Variants in KLB observed in about 807,000 individuals in gnomAD.
The protein encoded by KLB is beta-klotho.
In KLB, 44 loss-of-function variants were observed where a neutral mutation model predicts 88.4. That is an observed-to-expected ratio of 0.50 (90% CI 0.39 to 0.64). KLB has a LOEUF of 0.64. Among genes scored for constraint, KLB ranks in the 30% least tolerant of loss-of-function variants. KLB has a pLI of 0.00. For missense variants in KLB, 1,137 were observed against 1,304.8 expected (o/e 0.87, Z 1.98); for synonymous variants, 548 against 513.4 (o/e 1.07, Z -0.91).
intron 3 of KLB, among the ~76,000 whole-genome samples, chr4:39,441,067 A>C (rs1743586527): frequency 6.6e-6 from 1 of 151,912 alleles, no homozygotes; most frequent in Admixed American, 6.6e-5. Flanking sequence ...TGTTGGCCAG[A>C]CTGGTCTCGA....
intron 3 of KLB, chr4:39,441,608 T>C (rs1475058073): frequency 6.6e-6 from 1 of 152,114 alleles, no homozygotes; most frequent in East Asian, 1.9e-4. Flanking sequence ...TACTCATCTC[T>C]GGAGCCCAGC....
At chr4:39,415,858 T>C (rs762304095) in intron 1 of KLB, among the ~76,000 whole-genome samples, 9 of 152,168 alleles carry the variant, frequency 5.9e-5, no homozygotes, top group Non-Finnish European at 1.5e-5. Context: ...TGGGAAACCC[T>C]ACTCTAGGTC....
intron 1 of KLB, among the ~76,000 whole-genome samples, chr4:39,429,408 G>C (rs1455171271): frequency 6.6e-6 from 1 of 152,130 alleles, no homozygotes; most frequent in African/African-American, 2.4e-5. Flanking sequence ...ATCATCCACA[G>C]AATTTATCTG....
intron 3 of KLB, among the ~76,000 whole-genome samples, chr4:39,445,716 T>C (rs1743729242): frequency 6.6e-6 from 1 of 151,200 alleles, no homozygotes; most frequent in Non-Finnish European, 1.5e-5. Flanking sequence ...GAGACGGTGT[T>C]TCTCCATGTT....
At position 39,407,126 on chromosome 4, in the gene KLB, T is replaced by C; in HGVS notation, c.177T>C (p.Ala59=). ...CTGGATTCTCTGGAGATGGAAGAGC[T>C]ATATGGTCTAAAAATCCTAATTTTA... ...AVTGFSGDGR[A]IWSKNPNFTP... Residue 59 remains alanine, a synonymous_variant, in exon 1 of 5, where the codon GCT becomes GCC. Transcript: ENST00000257408. 6.2e-7 allele frequency: 1 copy of C among 1,614,166 alleles called. No homozygotes were observed.
chr4:39,445,873 C>T (rs954620796), intron 3 of KLB, among the ~76,000 whole-genome samples: 4 of 151,984 alleles, frequency 2.6e-5, no homozygotes, highest in African/African-American at 9.7e-5. Flanking sequence ...AGCAAGGGGT[C>T]ATTGCCTACC....
At chr4:39,426,425 AAAAAAAAAAAAAAG>A (rs1348130274) in intron 1 of KLB, among the ~76,000 whole-genome samples, 1 of 146,134 alleles carries the variant, frequency 6.8e-6, no homozygotes, top group Non-Finnish European at 1.5e-5. Flanking sequence ...AAAAAAAAAA[AAAAAAAAAAAAAAG>A]GGCCATGAAA....
intron 3 of KLB, among the ~76,000 whole-genome samples, chr4:39,443,181 T>G (rs1338395833): frequency 1.3e-5 from 2 of 152,156 alleles, no homozygotes; most frequent in Non-Finnish European, 2.9e-5. Flanking sequence ...GTTTCATTAC[T>G]GAAGATATTA....
intron 1 of KLB, among the ~76,000 whole-genome samples, chr4:39,423,252 G>T (rs77052072): frequency 2.7e-5 from 4 of 148,452 alleles, no homozygotes; most frequent in African/African-American, 9.8e-5. Flanking sequence ...ACATAGAAGC[G>T]CTGTGCTAGG....
chr4:39,413,424 C>G (rs1363590904), intron 1 of KLB, among the ~76,000 whole-genome samples: 2 of 151,998 alleles, frequency 1.3e-5, no homozygotes, highest in Admixed American at 6.6e-5. Context: ...CTAAATATTG[C>G]CAAAGCGGGG....
Position 39,437,820 on chromosome 4 carries a change from G to C in KLB, c.1430G>C (p.Gly477Ala). The C allele has an allele frequency of 6.2e-7, 1 of 1,614,136 alleles. No homozygotes were observed. The highest frequency in any genetic ancestry group is 8.5e-7 in the Non-Finnish European group (1 of 1,180,024). Reference sequence around the variant, plus strand: ...CAGGATGCTTACACCATCCGCCGAGGATTATTTTATGTGGATTTTAACAGT... The same window carrying C: ...CAGGATGCTTACACCATCCGCCGAGCATTATTTTATGTGGATTTTAACAGT... Reference protein sequence around the residue: ...EWQDAYTIRRGLFYVDFNSKQ... With the variant: ...EWQDAYTIRRALFYVDFNSKQ... The change falls in exon 3 of 5, where the codon GGA (glycine) becomes GCA (alanine). Residue 477 changes from glycine (G) to alanine (A), a missense_variant. Coordinates refer to ENST00000257408, the MANE Select transcript of KLB (RefSeq NM_175737.4).
chr4:39,448,165 C>T (rs537130678), intron 4 of KLB, 136 bp from the exon 5 acceptor site: 4 of 617,978 alleles, frequency 6.5e-6, no homozygotes, highest in Non-Finnish European at 1.1e-5. Context: ...GAATAAATGT[C>T]AAAAAAAACC....
In KLB at chr4:39,409,295, CT is replaced by C. The variant is rs59119086; in HGVS notation, c.825+1536del. Among the ~76,000 whole-genome samples the C allele has an allele frequency of 2.6e-3, 364 of 140,378 alleles. 1 individual carries two copies. The highest frequency in any genetic ancestry group is 2.9e-3 in the African/African-American group (113 of 38,372). 92.1% of individuals were successfully genotyped at this position (140,378 alleles called of 152,430 possible). ...CCTCTCATTTAGTCCTTTTAATTTT[CT>C]TTTTTTTTTTTTTTGAGACAAAGTC... On this transcript the variant is annotated intron_variant, in intron 1 of 4. Coordinates refer to ENST00000257408, the MANE Select transcript of KLB (RefSeq NM_175737.4).
intron 3 of KLB, among the ~76,000 whole-genome samples, chr4:39,443,066 C>G (rs1350470948): frequency 6.6e-6 from 1 of 152,100 alleles, no homozygotes; most frequent in Non-Finnish European, 1.5e-5. Context: ...GTAGATTTCT[C>G]TGGTTGTTCT....
chr4:39,415,166 G>A (rs1414635157), intron 1 of KLB, among the ~76,000 whole-genome samples: 4 of 152,090 alleles, frequency 2.6e-5, no homozygotes, highest in Admixed American at 2.6e-4. Flanking sequence ...ACCCGCCTCG[G>A]CCTCTCAAAG....
Position 39,407,398 on chromosome 4 carries a change from A to G in KLB, c.449A>G (p.Gln150Arg). 1 of 1,613,482 alleles carries G rather than the reference A, an allele frequency of 6.2e-7. No individual in the cohort carries two copies. The highest frequency in any genetic ancestry group is 8.5e-7 in the Non-Finnish European group (1 of 1,179,878). ...ALDFIGVSFY[Q>R]FSISWPRLFP... Reference sequence around the variant, plus strand: ...GATTTTATAGGAGTTTCTTTTTATCAATTTTCAATTTCCTGGCCAAGGCTT... The same window carrying G: ...GATTTTATAGGAGTTTCTTTTTATCGATTTTCAATTTCCTGGCCAAGGCTT... The change falls in exon 1 of 5, where the codon CAA becomes CGA. Residue 150 changes from glutamine (Q) to arginine (R), a missense_variant. Physicochemically the swap from Gln to Arg is conservative, Grantham distance 43 (BLOSUM62 1). This residue lies in a region of KLB where 597 missense variants were observed against 765.2 expected (regional missense o/e 0.78). Coordinates refer to ENST00000257408, the MANE Select transcript of KLB (RefSeq NM_175737.4).
chr4:39,411,312 TTTTGTTTTG>T lies in KLB; in HGVS notation c.825+3542_825+3550del, dbSNP rs1446202753. On this transcript the variant is annotated intron_variant, in intron 1 of 4. Coordinates refer to ENST00000257408, the MANE Select transcript of KLB (RefSeq NM_175737.4). The stretch of plus-strand genomic sequence containing the variant: ...CGCCCGGCCTCAAAACTAAGGTTTT[TTTTGTTTTG>T]TTTTGTTTTGTTTTGATTTTTTTTT... Among the ~76,000 whole-genome samples, 997 of 126,446 alleles carry T rather than the reference TTTTGTTTTG, an allele frequency of 7.9e-3. 8 individuals are homozygous for T. The highest frequency in any genetic ancestry group is 0.013 in the Non-Finnish European group (827 of 63,514). 83.0% of individuals were successfully genotyped at this position (126,446 alleles called of 152,430 possible).
intron 1 of KLB, among the ~76,000 whole-genome samples, chr4:39,413,726 GA>G (rs200454222): frequency 0.038 from 5,242 of 138,666 alleles, 252 homozygotes; most frequent in African/African-American, 0.11. Flanking sequence ...CCTGTCTCAG[GA>G]AAAAAAAAAA....
chr4:39,417,866 T>C (rs1326860626), intron 1 of KLB, among the ~76,000 whole-genome samples: 1 of 152,112 alleles, frequency 6.6e-6, no homozygotes, highest in Non-Finnish European at 1.5e-5. Context: ...CCCAGAGAAA[T>C]TTGCCCAAGA....
Sources: gnomAD v4.1 joint callset for allele counts (sites outside exome capture counted in the v4.1 genomes callset) on GRCh38, gnomAD v4.1.1 for gene constraint, gnomAD v4.1.1 regional missense constraint, MANE v1.5 for transcripts, NCBI Gene and HGNC (gene_info 2026-07-23, HGNC 2026-07-21) for gene names.